SLC6A18: variants seen among roughly 807,000 people sequenced by gnomAD.
The protein encoded by SLC6A18 is solute carrier family 6 member 18, also known as inactive sodium-dependent neutral amino acid transporter B(0)AT3.
In SLC6A18, 58 loss-of-function variants were observed where a neutral mutation model predicts 62.9. That is an observed-to-expected ratio of 0.92 (90% confidence interval 0.75 to 1.15). SLC6A18 has a LOEUF of 1.15. SLC6A18 is among the 50% of genes most tolerant of loss of function. The pLI is 0.00. For missense variants in SLC6A18, 793 were observed against 836.6 expected, an observed-to-expected ratio of 0.95 and a Z score of 0.64; for synonymous variants, 382 against 365.8, an observed-to-expected ratio of 1.04 and a Z score of -0.51.
chr5:1,238,162 C>A (rs1304373991), intron 5 of SLC6A18, 102 bp downstream of exon 5: 2 of 930,588 alleles, frequency 2.1e-6, no homozygotes, highest in Admixed American at 2.0e-5. Flanking sequence ...AGGCCAGGAG[C>A]CACTCCAGCA....
At position 1,239,118 on chromosome 5, in the gene SLC6A18, C is replaced by T. The variant is rs540469048; in HGVS notation, c.733-332C>T. 1.9e-4 allele frequency among the ~76,000 whole-genome samples: 29 copies of T among 152,374 alleles called. No homozygotes were observed. The East Asian group carries it at 3.7e-3, about 19-fold the overall frequency. Reference sequence around the variant, plus strand: ...GGGCTTCAAATCACCCAGAACCGCCCGGTTAGAGAGGGCACAGTAAACATG... The same window carrying T: ...GGGCTTCAAATCACCCAGAACCGCCTGGTTAGAGAGGGCACAGTAAACATG... On this transcript the variant is annotated intron_variant, in intron 5 of 11. Transcript: ENST00000324642.
chr5:1,239,789 C>T (rs1371888346), intron 6 of SLC6A18, among the ~76,000 whole-genome samples: 2 of 152,156 alleles, frequency 1.3e-5, no homozygotes, highest in Non-Finnish European at 2.9e-5. Context: ...TAACTGGGCA[C>T]GATACCAATC....
intron 1 of SLC6A18, among the ~76,000 whole-genome samples, chr5:1,226,633 G>T (rs562102766): frequency 6.6e-6 from 1 of 152,148 alleles, no homozygotes; most frequent in African/African-American, 2.4e-5. Flanking sequence ...AGAAACACCC[G>T]TCACTGCCAC....
At position 1,234,020 on chromosome 5, in the gene SLC6A18, C is replaced by T. The variant is rs535778646; in HGVS notation, c.439+1132C>T. Among the ~76,000 whole-genome samples the T allele has an allele frequency of 5.3e-5, 8 of 152,202 alleles. No homozygotes were observed. The East Asian group carries it at 5.8e-4, about 11-fold the overall frequency. On this transcript the variant is annotated intron_variant, in intron 3 of 11. Coordinates refer to ENST00000324642, the MANE Select transcript of SLC6A18 (RefSeq NM_182632.3). ...CCTCCCAAAGTGCTGGGATTACAGG[C>T]GTGAGCCACCGCGCCCGGCCAGCAC...
chr5:1,232,333 C>A lies in SLC6A18; in HGVS notation c.275C>A (p.Ala92Asp), dbSNP rs1280132231. ...AAGGGCAGCGTCGGCGTGTGGACGGCCATCTCCCCGTACCTCAGTGGAGTA... is the reference window on the plus strand; with the variant it reads ...AAGGGCAGCGTCGGCGTGTGGACGGACATCTCCCCGTACCTCAGTGGAGTA... ...LRKGSVGVWT[A>D]ISPYLSGVGL... The change falls in exon 2 of 12, where the codon GCC (alanine) becomes GAC (aspartate). Residue 92 changes from alanine (A) to aspartate (D), a missense_variant. Coordinates refer to ENST00000324642, the MANE Select transcript of SLC6A18 (RefSeq NM_182632.3). The A allele has an allele frequency of 6.2e-7, 1 of 1,611,442 alleles. No individual in the cohort carries two copies. Among genetic ancestry groups the A allele is most frequent in the Non-Finnish European group, 8.5e-7 (1 of 1,179,686 alleles).
chr5:1,242,264 C>T (rs976011026), intron 7 of SLC6A18, among the ~76,000 whole-genome samples: 1 of 152,246 alleles, frequency 6.6e-6, no homozygotes, highest in South Asian at 2.1e-4. Context: ...ACAGCTTCTC[C>T]CCTCACCCGG....
At position 1,243,478 on chromosome 5, in the gene SLC6A18, T is replaced by C. The variant is rs1747120938; in HGVS notation, c.1132-77T>C. 9 of 1,504,962 alleles carry C rather than the reference T, an allele frequency of 6.0e-6. No individual in the cohort carries two copies. Among genetic ancestry groups the C allele is most frequent in the Non-Finnish European group, 8.2e-6 (9 of 1,099,252 alleles). 93.2% of individuals were successfully genotyped at this position (1,504,962 alleles called of 1,614,324 possible). A position where few individuals can be genotyped will look rare whatever the true frequency, so the allele number is the denominator to read the frequency against. ...CGTGTCCTCGGCCTGGGAGAGTGTGTGTCCTGCAGGCAGGCGTGTGTGTGT... is the reference window on the plus strand; with the variant it reads ...CGTGTCCTCGGCCTGGGAGAGTGTGCGTCCTGCAGGCAGGCGTGTGTGTGT... On this transcript the variant is annotated intron_variant, in intron 8 of 11. Transcript: ENST00000324642. This position sits in a 1 kb window ranked among gnomAD's most constrained non-coding sequence, Gnocchi z 6.5.
chr5:1,226,849 G>A (rs1318085618), intron 1 of SLC6A18, among the ~76,000 whole-genome samples: 1 of 152,202 alleles, frequency 6.6e-6, no homozygotes, highest in East Asian at 1.9e-4. Flanking sequence ...GGTTGTGGGG[G>A]CAGCAGGCTT....
chr5:1,232,281 G>A lies in SLC6A18; in HGVS notation c.223G>A (p.Glu75Lys), dbSNP rs778742322. Reference sequence around the variant, plus strand: ...CGAGGGGATCCCCATTTTCCACGTCGAGCTCGCCATCGGCCAGCGGCTGCG... The same window carrying A: ...CGAGGGGATCCCCATTTTCCACGTCAAGCTCGCCATCGGCCAGCGGCTGCG... Reference protein sequence around the residue: ...VFEGIPIFHVELAIGQRLRKG... With the variant: ...VFEGIPIFHVKLAIGQRLRKG... The change falls in exon 2 of 12, where the codon GAG (glutamate) becomes AAG (lysine). Residue 75 changes from glutamate (E) to lysine (K), a missense_variant. By Grantham distance (56) the Glu-to-Lys change is moderately conservative. Coordinates refer to ENST00000324642, the MANE Select transcript of SLC6A18 (RefSeq NM_182632.3). 8 of 1,612,982 alleles carry A rather than the reference G, an allele frequency of 5.0e-6. No homozygotes were observed. Among genetic ancestry groups the A allele is most frequent in the Middle Eastern group, 1.7e-4 (1 of 5,926 alleles).
rs967331254 is a variant in SLC6A18, at chr5:1,241,068, C to T, written c.974+409C>T. Among the ~76,000 whole-genome samples the T allele has an allele frequency of 1.3e-5, 2 of 152,206 alleles. No homozygotes were observed. The highest frequency in any genetic ancestry group is 6.5e-5 in the Admixed American group (1 of 15,294). ...GTCTCCCGTGCAGGCTCAGGAGGGG[C>T]GCGGCCTGGCCACACTGGGATTTCA... On this transcript the variant is annotated intron_variant, in intron 7 of 11. Transcript: ENST00000324642. This position sits in a 1 kb window ranked among gnomAD's most constrained non-coding sequence, Gnocchi z 7.8.
rs749443178 is a variant in SLC6A18 at position 1,243,613 on chromosome 5, C to G, written c.1190C>G (p.Pro397Arg). 2 of 1,614,014 alleles carry G rather than the reference C, an allele frequency of 1.2e-6. No homozygotes were observed. Among genetic ancestry groups the G allele is most frequent in the South Asian group, 2.2e-5 (2 of 91,082 alleles). The change falls in exon 9 of 12, where the codon CCG becomes CGG. Residue 397 changes from proline to arginine, a missense_variant. Coordinates refer to ENST00000324642, the MANE Select transcript of SLC6A18 (RefSeq NM_182632.3). The surrounding 1 kb of genome is among the most constrained non-coding windows in gnomAD (Gnocchi z 6.5). ...VVFTETDLHM[P>R]GAPVWAMLFF... ...TTCACGGAGACCGACCTCCACATGC[C>G]GGGGGCTCCTGTGTGGGCCATGCTC...
intron 1 of SLC6A18, 34 bp downstream of exon 1, chr5:1,225,671 T>G: frequency 2.0e-6 from 3 of 1,518,210 alleles, no homozygotes; most frequent in Non-Finnish European, 1.8e-6. Context: ...GGCAGACCCC[T>G]AAGCAGGGGA....
In SLC6A18 at chr5:1,240,555, G is replaced by A. The variant is rs1747026345; in HGVS notation, c.870G>A (p.Val290=). ...SPRNDCQKDA[V]VIALVNRMTS... is the part of the protein sequence containing the mutation. ...GGAATGACTGCCAGAAGGATGCGGT[G>A]GTCATCGCCCTGGTCAACAGGATGA... Residue 290 remains valine (V), a synonymous_variant, in exon 7 of 12, where the codon GTG becomes GTA. Coordinates refer to ENST00000324642, the MANE Select transcript of SLC6A18 (RefSeq NM_182632.3). The A allele has an allele frequency of 6.2e-7, 1 of 1,613,984 alleles. No homozygotes were observed. The highest frequency in any genetic ancestry group is 1.7e-5 in the Admixed American group (1 of 60,002).
intron 11 of SLC6A18, among the ~76,000 whole-genome samples, chr5:1,245,077 CCTT>C (rs1747185065): frequency 6.6e-6 from 1 of 152,166 alleles, no homozygotes; most frequent in Non-Finnish European, 1.5e-5. Context: ...TGGAGCTCCT[CCTT>C]GGGGATGTGG....
chr5:1,239,381 G>A, intron 5 of SLC6A18, 69 bp from the exon 6 acceptor site: 1 of 1,215,640 alleles, frequency 8.2e-7, no homozygotes, highest in Admixed American at 1.7e-5. Flanking sequence ...GGAACGTTCT[G>A]GAACAGTCAG....
chr5:1,246,100 C>A lies in SLC6A18; in HGVS notation c.*22C>A, dbSNP rs748540487. On this transcript the variant is annotated 3_prime_UTR_variant, in exon 12 of 12. Coordinates refer to ENST00000324642, the MANE Select transcript of SLC6A18 (RefSeq NM_182632.3). The stretch of plus-strand genomic sequence containing the variant: ...CTGAAGCCGGCCGGAGCGGGGCCTG[C>A]ATGGGCGGGTCTGTGGGGGGGCTTG... The A allele has an allele frequency of 6.5e-7, 1 of 1,533,776 alleles. No homozygotes were observed. The highest frequency in any genetic ancestry group is 8.7e-7 in the Non-Finnish European group (1 of 1,145,016).
In SLC6A18 at chr5:1,243,669, T is replaced by C; in HGVS notation, c.1246T>C (p.Ser416Pro). ...FFGMLFTLGLSTMFGTVEAVI... is the reference protein window; with the variant it reads ...FFGMLFTLGLPTMFGTVEAVI... ...CGGGATGCTGTTCACCTTGGGGCTA[T>C]CGACCATGTTCGGGACCGTGGAGGC... Residue 416 changes from serine to proline, a missense_variant, in exon 9 of 12, where the codon TCG (serine) becomes CCG (proline). Ser to Pro is a moderately conservative substitution (Grantham distance 74, BLOSUM62 -1). Coordinates refer to ENST00000324642, the MANE Select transcript of SLC6A18 (RefSeq NM_182632.3). The surrounding 1 kb of genome is among the most constrained non-coding windows in gnomAD (Gnocchi z 6.5). 6.2e-7 allele frequency: 1 copy of C among 1,614,046 alleles called. No individual in the cohort carries two copies. Among genetic ancestry groups the C allele is most frequent in the South Asian group, 1.1e-5 (1 of 91,084 alleles).
chr5:1,241,475 GAGT>G lies in SLC6A18; in HGVS notation c.974+817_974+819del, dbSNP rs1481262917. On this transcript the variant is annotated intron_variant, in intron 7 of 11. Coordinates refer to ENST00000324642, the MANE Select transcript of SLC6A18 (RefSeq NM_182632.3). The surrounding 1 kb of genome is among the most constrained non-coding windows in gnomAD (Gnocchi z 7.8). Reference sequence around the variant, plus strand: ...AGTGTCCAGGACGGCCCCACCCAGAGAGTGACCAGCCCTGAGTGTTCCAACCCC... The same window carrying G: ...AGTGTCCAGGACGGCCCCACCCAGAGGACCAGCCCTGAGTGTTCCAACCCC... 6.6e-6 allele frequency among the ~76,000 whole-genome samples: 1 copy of G among 152,224 alleles called. No individual in the cohort carries two copies. Among genetic ancestry groups the G allele is most frequent in the African/African-American group, 2.4e-5 (1 of 41,452 alleles).
rs139871099 is a variant in SLC6A18, at chr5:1,233,781, G to A, written c.439+893G>A. On this transcript the variant is annotated intron_variant, in intron 3 of 11. Transcript: ENST00000324642. The stretch of plus-strand genomic sequence containing the variant: ...TTTTGAGACGGAGTCTTGCTCTGTC[G>A]CCCAGGCTGGAGTGCAGTGGTGCTA... 5.5e-3 allele frequency among the ~76,000 whole-genome samples: 801 copies of A among 146,370 alleles called. 12 individuals are homozygous for A. Among genetic ancestry groups the A allele is most frequent in the Admixed American group, 0.02 (283 of 14,302 alleles).
Sources: allele counts gnomAD v4.1 joint callset (sites outside exome capture counted in the v4.1 genomes callset), GRCh38; gene constraint gnomAD v4.1.1; non-coding constraint Gnocchi (gnomAD v3.1); transcripts MANE v1.5; gene names NCBI Gene and HGNC (gene_info 2026-07-23, HGNC 2026-07-21).